Variants in FANCC observed in about 807,000 individuals in gnomAD.
The protein encoded by FANCC is Fanconi anemia group C protein.
Under a neutral mutation model 71.3 loss-of-function variants are expected in FANCC, and 55 were observed. That is an observed-to-expected ratio of 0.77 (90% CI 0.62 to 0.97). The LOEUF (loss-of-function observed/expected upper bound fraction) is 0.97, where lower values mean the gene tolerates loss of function less well. Among genes scored for constraint, FANCC ranks in the 50% least tolerant of loss-of-function variants. The pLI is 0.00. For missense variants in FANCC, 678 were observed against 670.9 expected (o/e 1.01, Z -0.12); for synonymous variants, 275 against 244.9 (o/e 1.12, Z -1.15).
At chr9:95,286,695 T>C (rs1237574543) in intron 1 of FANCC, among the ~76,000 whole-genome samples, 3 of 151,282 alleles carry the variant, frequency 2.0e-5, no homozygotes, top group Non-Finnish European at 4.4e-5. Context: ...ACCAGAAGAG[T>C]CTCGAGGGCT....
intron 7 of FANCC, among the ~76,000 whole-genome samples, chr9:95,148,110 C>T (rs1184398867): frequency 6.6e-6 from 1 of 152,206 alleles, no homozygotes; most frequent in Non-Finnish European, 1.5e-5. Context: ...CACCACCACA[C>T]ACACACAGTC....
chr9:95,239,027 G>A (rs991464036), intron 4 of FANCC, among the ~76,000 whole-genome samples: 10 of 152,126 alleles, frequency 6.6e-5, no homozygotes, highest in African/African-American at 2.4e-4. Context: ...ACAGTTCCCT[G>A]AATACGTTTG....
chr9:95,314,412 G>C (rs1835608382), intron 1 of FANCC, among the ~76,000 whole-genome samples: 1 of 152,138 alleles, frequency 6.6e-6, no homozygotes, highest in African/African-American at 2.4e-5. Context: ...CCAGCACTTT[G>C]GGAGGCCGAG....
chr9:95,157,883 T>C (rs1285566322), intron 6 of FANCC, among the ~76,000 whole-genome samples: 2 of 152,172 alleles, frequency 1.3e-5, no homozygotes, highest in Non-Finnish European at 2.9e-5. Context: ...AAACAGAAGA[T>C]ATAATCTGCA....
chr9:95,281,481 C>T (rs570567886), intron 1 of FANCC, among the ~76,000 whole-genome samples: 172 of 152,058 alleles, frequency 1.1e-3, no homozygotes, highest in Non-Finnish European at 2.1e-3. Context: ...GACTTCTGGA[C>T]GACAAAAGCT....
At chr9:95,256,594 TA>T (rs1831673005) in intron 1 of FANCC, among the ~76,000 whole-genome samples, 3 of 152,136 alleles carry the variant, frequency 2.0e-5, no homozygotes, top group Admixed American at 1.3e-4. Flanking sequence ...TACCAAATTG[TA>T]AAGACTATCG....
chr9:95,312,227 CTAAA>C (rs1835450984), intron 1 of FANCC, among the ~76,000 whole-genome samples: 1 of 152,334 alleles, frequency 6.6e-6, no homozygotes, highest in South Asian at 2.1e-4. Context: ...AATGAACAGA[CTAAA>C]TACTCTCACC....
At chr9:95,247,585 T>G (rs560503862) in intron 2 of FANCC, 69 bp from the exon 3 acceptor site, 2 of 983,872 alleles carry the variant, frequency 2.0e-6, no homozygotes, top group African/African-American at 3.2e-5. Context: ...ACTGACATTA[T>G]AGATTGAGGG....
chr9:95,141,524 A>G (rs951985844), intron 7 of FANCC, among the ~76,000 whole-genome samples: 4 of 152,132 alleles, frequency 2.6e-5, no homozygotes, highest in Non-Finnish European at 4.4e-5. Flanking sequence ...CTAAGTTGAA[A>G]AAAACATAAA....
intron 4 of FANCC, among the ~76,000 whole-genome samples, chr9:95,224,411 C>T (rs1452842844): frequency 6.6e-6 from 1 of 152,134 alleles, no homozygotes; most frequent in African/African-American, 2.4e-5. Flanking sequence ...CAATATCTAC[C>T]TTCATGGAGT....
intron 6 of FANCC, among the ~76,000 whole-genome samples, chr9:95,161,419 G>A (rs183879952): frequency 3.1e-4 from 47 of 152,280 alleles, no homozygotes; most frequent in African/African-American, 1.1e-3. Flanking sequence ...ATTATTGGAG[G>A]CTACAGTAAA....
rs2071694111 is a variant in FANCC at position 95,109,019 on chromosome 9, T to G, written c.1330-1750A>C. Among the ~76,000 whole-genome samples, 3 of 152,130 alleles carry G rather than the reference T, an allele frequency of 2.0e-5. No individual in the cohort carries two copies. The South Asian group carries it at 6.2e-4, about 32-fold the overall frequency. Reference sequence around the variant, plus strand: ...CTCCTGAGCTCAAGCGATCCTTCCATCTATCTCAGCCTCCCGAGTAGCTGG... The same window carrying G: ...CTCCTGAGCTCAAGCGATCCTTCCAGCTATCTCAGCCTCCCGAGTAGCTGG... On this transcript the variant is annotated intron_variant, in intron 13 of 14. Coordinates refer to ENST00000289081, the MANE Select transcript of FANCC (RefSeq NM_000136.3).
intron 4 of FANCC, among the ~76,000 whole-genome samples, chr9:95,204,600 A>G (rs1564750183): frequency 6.6e-6 from 1 of 152,222 alleles, no homozygotes; most frequent in Non-Finnish European, 1.5e-5. Context: ...TCATAAGTAT[A>G]TGTTAACCAG....
chr9:95,230,054 A>G (rs1442700180), intron 4 of FANCC, among the ~76,000 whole-genome samples: 1 of 152,150 alleles, frequency 6.6e-6, no homozygotes, highest in Non-Finnish European at 1.5e-5. Context: ...TGAAAAGCTG[A>G]CAAATCCTCT....
At chr9:95,302,599 T>C (rs1886993) in intron 1 of FANCC, among the ~76,000 whole-genome samples, 5,501 of 152,312 alleles carry the variant, frequency 0.036, 296 homozygotes, top group African/African-American at 0.12. Context: ...GACCTGCCTT[T>C]AGCCTGTGAA....
chr9:95,193,987 C>T (rs1440087640), intron 4 of FANCC, among the ~76,000 whole-genome samples: 1 of 152,200 alleles, frequency 6.6e-6, no homozygotes, highest in African/African-American at 2.4e-5. Flanking sequence ...TGAGTCCACC[C>T]TGTTACTTCC....
At chr9:95,277,939 C>T (rs1370403743) in intron 1 of FANCC, among the ~76,000 whole-genome samples, 1 of 152,078 alleles carries the variant, frequency 6.6e-6, no homozygotes, top group African/African-American at 2.4e-5. Context: ...TGAATCCACA[C>T]AATAAAAGAA....
intron 6 of FANCC, among the ~76,000 whole-genome samples, chr9:95,152,938 TA>T (rs763735456): frequency 1.1e-4 from 16 of 152,014 alleles, no homozygotes; most frequent in African/African-American, 2.4e-4. Context: ...TTGATGAGCT[TA>T]AAAAAAATCG....
chr9:95,286,944 C>G (rs1167958278), intron 1 of FANCC, among the ~76,000 whole-genome samples: 2 of 152,084 alleles, frequency 1.3e-5, no homozygotes, highest in African/African-American at 4.8e-5. Flanking sequence ...ATCAACTATA[C>G]TAAGGTTATT....
Sources: allele counts gnomAD v4.1 joint callset (sites outside exome capture counted in the v4.1 genomes callset), GRCh38; gene constraint gnomAD v4.1.1; transcripts MANE v1.5; gene names NCBI Gene and HGNC (gene_info 2026-07-23, HGNC 2026-07-21).